VWA3B: variants seen among roughly 807,000 people sequenced by gnomAD.
VWA3B encodes von Willebrand factor A domain containing 3B.
A neutral mutation model predicts 158.3 loss-of-function variants in VWA3B; 138 were observed. The ratio of observed to expected loss-of-function variants is 0.87; its 90% CI spans 0.76 to 1.00. VWA3B has a LOEUF of 1.00. Among genes scored for constraint, VWA3B ranks in the 50% least tolerant of loss-of-function variants. VWA3B has a pLI of 0.00. For missense variants in VWA3B, 1,555 were observed against 1,565.1 expected (o/e 0.99, Z 0.11); for synonymous variants, 596 against 587.3 (o/e 1.01, Z -0.21).
At chr2:98,309,598 G>T (rs1023606413) in intron 26 of VWA3B, among the ~76,000 whole-genome samples, 3 of 152,320 alleles carry the variant, frequency 2.0e-5, no homozygotes, top group Admixed American at 6.5e-5. Context: ...AAATGATACC[G>T]TGCGCAGTGT....
intron 7 of VWA3B, among the ~76,000 whole-genome samples, chr2:98,152,111 C>A (rs1041559271): frequency 3.3e-5 from 5 of 152,160 alleles, no homozygotes; most frequent in African/African-American, 1.2e-4. Context: ...TAGGAGTAGG[C>A]CGCAGGGGCC....
chr2:98,257,221 G>A (rs111516700), intron 21 of VWA3B, among the ~76,000 whole-genome samples: 12 of 151,938 alleles, frequency 7.9e-5, no homozygotes, highest in South Asian at 2.1e-4. Context: ...TTTCTGTGCC[G>A]GGCTTATCTC....
At chr2:98,207,355 C>A (rs2105514275) in intron 12 of VWA3B, 1 of 486,938 alleles carries the variant, frequency 2.1e-6, no homozygotes, top group South Asian at 1.6e-5. Flanking sequence ...CTCCATCTCT[C>A]ACATCATGGA....
At position 98,234,146 on chromosome 2, in the gene VWA3B, T is replaced by G. The variant is rs142629859; in HGVS notation, c.2309-502T>G. Among the ~76,000 whole-genome samples the G allele has an allele frequency of 4.3e-3, 652 of 152,306 alleles. 2 individuals are homozygous for G. Among genetic ancestry groups the G allele is most frequent in the African/African-American group, 0.015 (611 of 41,564 alleles). ...ATGACACGTCACTCTCATGACCAGG[T>G]TATGCTGACCTAGACAGAGTTATCT... is the stretch of plus-strand genomic sequence containing the variant. On this transcript the variant is annotated intron_variant, in intron 16 of 27. Transcript: ENST00000477737.
the VWA3B span, among the ~76,000 whole-genome samples, chr2:98,323,950 T>G: frequency 6.6e-6 from 1 of 152,176 alleles, no homozygotes; most frequent in Non-Finnish European, 1.5e-5. Flanking sequence ...TATTACATAT[T>G]TTAGCTTAAG....
intron 7 of VWA3B, among the ~76,000 whole-genome samples, chr2:98,141,861 G>A (rs1031082103): frequency 3.3e-5 from 5 of 152,102 alleles, no homozygotes; most frequent in Admixed American, 6.5e-5. Context: ...TGTCCCCTCC[G>A]GAAGAACTGG....
At chr2:98,298,441 T>TATG (rs1558773870) in intron 24 of VWA3B, among the ~76,000 whole-genome samples, 12 of 118,438 alleles carry the variant, frequency 1.0e-4, no homozygotes, top group Admixed American at 1.8e-4. Flanking sequence ...TCTATTCTAT[T>TATG]CTATGCCATG....
chr2:98,233,855 A>G (rs1340123917), intron 16 of VWA3B, among the ~76,000 whole-genome samples: 2 of 152,226 alleles, frequency 1.3e-5, no homozygotes, highest in African/African-American at 2.4e-5. Flanking sequence ...CCTCCAAATT[A>G]TGAAGTACAG....
chr2:98,299,712 G>T (rs536480907), intron 24 of VWA3B, among the ~76,000 whole-genome samples: 16 of 152,276 alleles, frequency 1.1e-4, no homozygotes, highest in Admixed American at 1.0e-3. Flanking sequence ...CTACGTCTTG[G>T]TGACAGCCCT....
intron 2 of VWA3B, among the ~76,000 whole-genome samples, chr2:98,110,322 T>G (rs1211315766): frequency 1.3e-5 from 2 of 152,154 alleles, no homozygotes; most frequent in African/African-American, 4.8e-5. Context: ...TTAATTTTGA[T>G]TATTCTATTT....
intron 3 of VWA3B, among the ~76,000 whole-genome samples, chr2:98,117,778 T>C (rs1436225739): frequency 1.3e-5 from 2 of 150,850 alleles, no homozygotes; most frequent in Non-Finnish European, 3.0e-5. Flanking sequence ...TTGATGGAGT[T>C]TCACTCTGTC....
intron 20 of VWA3B, among the ~76,000 whole-genome samples, chr2:98,253,601 C>G (rs778871844): frequency 6.6e-6 from 1 of 152,242 alleles, no homozygotes; most frequent in Non-Finnish European, 1.5e-5. Flanking sequence ...CCGTTCTAGC[C>G]TGGCTTGGGG....
At chr2:98,312,120 T>C in intron 27 of VWA3B, 80 bp from the exon 28 acceptor site, 12 of 1,613,612 alleles carry the variant, frequency 7.4e-6, no homozygotes, top group Non-Finnish European at 9.3e-6. Flanking sequence ...AACATCGTCC[T>C]TCAGATTCTG....
intron 3 of VWA3B, among the ~76,000 whole-genome samples, chr2:98,117,418 G>C (rs1188514271): frequency 1.3e-5 from 2 of 152,184 alleles, no homozygotes; most frequent in Non-Finnish European, 2.9e-5. Context: ...GTAACCCTGG[G>C]GCCTAGAACT....
rs142482298 is a variant in VWA3B at position 98,294,724 on chromosome 2, A to G, written c.3158-3183A>G. On this transcript the variant is annotated intron_variant, in intron 23 of 27. Coordinates refer to ENST00000477737, the MANE Select transcript of VWA3B (RefSeq NM_144992.5). The stretch of plus-strand genomic sequence containing the variant: ...CACTATGCCATAAGAAGAAGTTGTC[A>G]TGAAGAAAAAGGGGACAAAATGGAA... Among the ~76,000 whole-genome samples the G allele has an allele frequency of 4.1e-4, 62 of 152,384 alleles. 1 individual carries two copies. The East Asian group carries it at 9.6e-3, about 24-fold the overall frequency.
At chr2:98,116,264 T>G (rs1416126118) in intron 3 of VWA3B, among the ~76,000 whole-genome samples, 1 of 152,252 alleles carries the variant, frequency 6.6e-6, no homozygotes, top group Non-Finnish European at 1.5e-5. Context: ...CACGTCCATT[T>G]ATGGATATTT....
intron 20 of VWA3B, 102 bp downstream of exon 20, chr2:98,250,538 G>A: frequency 1.0e-6 from 1 of 959,272 alleles, no homozygotes; most frequent in South Asian, 1.7e-5. Flanking sequence ...TTTTAATGAA[G>A]CAGCTATTTA....
intron 12 of VWA3B, among the ~76,000 whole-genome samples, chr2:98,194,734 C>T (rs1365848436): frequency 6.6e-6 from 1 of 152,182 alleles, no homozygotes; most frequent in Non-Finnish European, 1.5e-5. Flanking sequence ...CCAGCTCTGC[C>T]CTTGGCTCAG....
At chr2:98,119,164 C>T (rs1674760073) in intron 3 of VWA3B, among the ~76,000 whole-genome samples, 1 of 152,192 alleles carries the variant, frequency 6.6e-6, no homozygotes. Flanking sequence ...TTTAGTGAGA[C>T]ATTATTTTCC....
Sources: allele counts gnomAD v4.1 joint callset (sites outside exome capture counted in the v4.1 genomes callset), GRCh38; gene constraint gnomAD v4.1.1; transcripts MANE v1.5; gene names NCBI Gene and HGNC (gene_info 2026-07-23, HGNC 2026-07-21).